Variants in CENPW observed in about 807,000 individuals in gnomAD.
The protein encoded by CENPW is centromere protein W.
A neutral mutation model predicts 11.1 loss-of-function variants in CENPW; 3 were observed. The observed-to-expected ratio is 0.27, with a 90% CI of 0.12 to 0.70. CENPW has a LOEUF of 0.70. Ranked by LOEUF, CENPW falls within the 30% of genes least tolerant of loss-of-function variation. The pLI is 0.77. For missense variants in CENPW, 100 were observed against 105.6 expected (o/e 0.95, Z 0.23); for synonymous variants, 38 against 42.0 (o/e 0.91, Z 0.37).
the CENPW span, among the ~76,000 whole-genome samples, chr6:126,397,906 C>CT: frequency 6.6e-6 from 1 of 152,152 alleles, no homozygotes; most frequent in African/African-American, 2.4e-5. Context: ...TCTTAACCCT[C>CT]TTTTTTCTTT....
chr6:126,418,444 C>G, the CENPW span, among the ~76,000 whole-genome samples: 3 of 151,982 alleles, frequency 2.0e-5, no homozygotes, highest in African/African-American at 7.3e-5. Flanking sequence ...CTGCAAAAAG[C>G]AAAACTACGA....
chr6:126,344,857 G>A (rs1170321789), intron 1 of CENPW, among the ~76,000 whole-genome samples: 1 of 152,182 alleles, frequency 6.6e-6, no homozygotes, highest in Non-Finnish European at 1.5e-5. Context: ...AACTGTGGGA[G>A]AGTGTGCAGT....
chr6:126,404,639 T>G, the CENPW span, among the ~76,000 whole-genome samples: 1 of 152,060 alleles, frequency 6.6e-6, no homozygotes, highest in East Asian at 1.9e-4. Context: ...AGTGTATGAG[T>G]CCCAGAAGAG....
chr6:126,373,298 C>T, the CENPW span, among the ~76,000 whole-genome samples: 4 of 152,134 alleles, frequency 2.6e-5, no homozygotes, highest in Non-Finnish European at 4.4e-5. Context: ...GCATATAAAA[C>T]ATTAAAACAC....
chr6:126,349,474 C>G (rs1780465856), downstream of CENPW, among the ~76,000 whole-genome samples: 1 of 152,022 alleles, frequency 6.6e-6, no homozygotes, highest in African/African-American at 2.4e-5. Context: ...ATTCCTAAAC[C>G]CTGGCAACCA....
At chr6:126,370,028 T>A in the CENPW span, among the ~76,000 whole-genome samples, 1 of 152,182 alleles carries the variant, frequency 6.6e-6, no homozygotes, top group Non-Finnish European at 1.5e-5. Context: ...TTGAATAGGG[T>A]GTCCTTTCCC....
the CENPW span, among the ~76,000 whole-genome samples, chr6:126,407,844 T>G: frequency 6.6e-6 from 1 of 152,228 alleles, no homozygotes. Flanking sequence ...CTTTGTCAGA[T>G]GAATAGATTG....
chr6:126,403,841 A>G, the CENPW span, among the ~76,000 whole-genome samples: 1 of 152,166 alleles, frequency 6.6e-6, no homozygotes, highest in African/African-American at 2.4e-5. Context: ...TTTTCAATGT[A>G]GATGAAATAG....
chr6:126,449,233 A>C, the CENPW span, among the ~76,000 whole-genome samples: 1 of 151,176 alleles, frequency 6.6e-6, no homozygotes, highest in Non-Finnish European at 1.5e-5. Flanking sequence ...TATTCATTTC[A>C]TTAGAGATGA....
the CENPW span, among the ~76,000 whole-genome samples, chr6:126,444,128 A>T: frequency 8.2e-5 from 12 of 145,712 alleles, no homozygotes; most frequent in Admixed American, 4.8e-4. Flanking sequence ...ATTTTTTTTT[A>T]AAAGTTATTT....
Position 126,348,466 on chromosome 6 carries a change from G to GT in CENPW, c.242dup (p.Ile82AsnfsTer47), listed in dbSNP as rs1332513486. The GT allele has an allele frequency of 7.3e-7, 1 of 1,376,898 alleles. No homozygotes were observed. Among genetic ancestry groups the GT allele is most frequent in the Admixed American group, 1.7e-5 (1 of 58,150 alleles). 85.3% of individuals were successfully genotyped at this position (1,376,898 alleles called of 1,614,324 possible). On this transcript the variant is annotated frameshift_variant and splice_region_variant, in exon 3 of 3. Coordinates refer to ENST00000368328, the MANE Select transcript of CENPW (RefSeq NM_001012507.4). LOFTEE classifies it high-confidence loss of function. ...AATCTTATTTTTTTCCCTCTTACAG[G>GT]TAATTCTAAAGAAGAGCAGAGGTTA...
At chr6:126,431,493 C>T in the CENPW span, among the ~76,000 whole-genome samples, 1 of 152,106 alleles carries the variant, frequency 6.6e-6, no homozygotes, top group Non-Finnish European at 1.5e-5. Context: ...AATGCATTTC[C>T]TCTGTTAAGA....
At chr6:126,472,508 A>G in the CENPW span, among the ~76,000 whole-genome samples, 1 of 152,208 alleles carries the variant, frequency 6.6e-6, no homozygotes, top group Admixed American at 6.5e-5. Context: ...CTTTTAATTA[A>G]TAAGTAGCTT....
the CENPW span, among the ~76,000 whole-genome samples, chr6:126,468,877 C>T: frequency 6.6e-6 from 1 of 152,038 alleles, no homozygotes; most frequent in African/African-American, 2.4e-5. Flanking sequence ...GATCTTGGCT[C>T]ACTGCAACCT....
At chr6:126,396,016 G>A in the CENPW span, among the ~76,000 whole-genome samples, 1 of 152,032 alleles carries the variant, frequency 6.6e-6, no homozygotes, top group Non-Finnish European at 1.5e-5. Flanking sequence ...TCTCACCCAA[G>A]GCCCAGTGTA....
chr6:126,463,484 TAGAA>T, the CENPW span, among the ~76,000 whole-genome samples: 1 of 151,398 alleles, frequency 6.6e-6, no homozygotes, highest in Non-Finnish European at 1.5e-5. Flanking sequence ...ATCAATGAAA[TAGAA>T]AGCATAAAGA....
intron 1 of CENPW, 117 bp from the exon 2 acceptor site, chr6:126,346,088 T>C: frequency 2.0e-6 from 1 of 507,034 alleles, no homozygotes; most frequent in Non-Finnish European, 3.5e-6. Context: ...AGAGTTAATT[T>C]ACTTAATCAC....
chr6:126,362,888 T>C, the CENPW span, among the ~76,000 whole-genome samples: 4 of 152,192 alleles, frequency 2.6e-5, no homozygotes, highest in Non-Finnish European at 4.4e-5. Flanking sequence ...ATAAGAGAAA[T>C]ACTGCTGGTG....
At chr6:126,412,366 AAT>A in the CENPW span, among the ~76,000 whole-genome samples, 6 of 151,610 alleles carry the variant, frequency 4.0e-5, no homozygotes, top group African/African-American at 9.7e-5. Context: ...CAGCAACTTA[AAT>A]ATGTTATCCC....
Sources: allele counts gnomAD v4.1 joint callset (sites outside exome capture counted in the v4.1 genomes callset), GRCh38; gene constraint gnomAD v4.1.1; transcripts MANE v1.5; gene names NCBI Gene and HGNC (gene_info 2026-07-23, HGNC 2026-07-21).